Variants in PKD2L1 observed in about 807,000 individuals in gnomAD.
PKD2L1 encodes polycystin 2 like 1, transient receptor potential cation channel.
In PKD2L1, 77 loss-of-function variants were observed where a neutral mutation model predicts 93.0. The observed-to-expected ratio is 0.83, with a 90% confidence interval of 0.69 to 1.00. The LOEUF (loss-of-function observed/expected upper bound fraction) is 1.00. PKD2L1 is among the 50% of genes least tolerant of loss of function. The pLI, the probability that PKD2L1 is intolerant of heterozygous loss-of-function variation, is 0.00. For synonymous variants in PKD2L1, 390 were observed against 388.0 expected, an observed-to-expected ratio of 1.01 and a Z score of -0.06; for missense variants, 977 against 990.9, an observed-to-expected ratio of 0.99 and a Z score of 0.19.
At chr10:100,290,270 A>G (rs988258863) in intron 13 of PKD2L1, 131 bp downstream of exon 13, 8 of 1,333,026 alleles carry the variant, frequency 6.0e-6, no homozygotes, top group African/African-American at 5.8e-5. Flanking sequence ...CCTTGTAGGC[A>G]GAATTAAAGG....
intron 2 of PKD2L1, among the ~76,000 whole-genome samples, chr10:100,320,937 T>A (rs963616191): frequency 1.6e-4 from 24 of 152,216 alleles, no homozygotes; most frequent in Admixed American, 5.2e-4. Context: ...GGAAATAATT[T>A]AAAGAAGTGG....
chr10:100,297,365 AG>A lies in PKD2L1; in HGVS notation c.956+16del. ...GGAGCCATGGACAGGGTGATAAAGT[AG>A]GGAAAGGGGGCTCACCTCAGGACAC... On this transcript the variant is annotated intron_variant, in intron 5 of 15. Coordinates refer to ENST00000318222, the MANE Select transcript of PKD2L1 (RefSeq NM_016112.3). 1.2e-6 allele frequency: 2 copies of A among 1,601,022 alleles called. No homozygotes were observed. Among genetic ancestry groups the A allele is most frequent in the Non-Finnish European group, 1.7e-6 (2 of 1,168,164 alleles).
chr10:100,288,958 GC>G lies in PKD2L1; in HGVS notation c.2335+13del. On this transcript the variant is annotated intron_variant, in intron 15 of 15. Transcript: ENST00000318222. ...GGAAGCCTGCTGTCTGATGCTTTAG[GC>G]CCCCTTCCTCACCACTCTCCTGCCC... is the stretch of plus-strand genomic sequence containing the variant. 6.4e-7 allele frequency: 1 copy of G among 1,563,126 alleles called. No individual in the cohort carries two copies. The highest frequency in any genetic ancestry group is 1.1e-5 in the South Asian group (1 of 88,244).
Position 100,297,574 on chromosome 10 carries a change from C to G in PKD2L1, c.764G>C (p.Gly255Ala), listed in dbSNP as rs759786138. The G allele has an allele frequency of 6.2e-7, 1 of 1,613,720 alleles. No individual in the cohort carries two copies. Among genetic ancestry groups the G allele is most frequent in the East Asian group, 2.2e-5 (1 of 44,870 alleles). ...WTYHSQDELGGFSHWGRLTSY... is the reference protein window; with the variant it reads ...WTYHSQDELGAFSHWGRLTSY... The stretch of plus-strand genomic sequence containing the variant: ...TGTGAGCCTGCCCCAGTGGGAGAAG[C>G]CCCCCAACTCATCCTGCGAGTGGTA... Residue 255 changes from glycine (G) to alanine (A), a missense_variant, in exon 5 of 16, where the codon GGC becomes GCC. Coordinates refer to ENST00000318222, the MANE Select transcript of PKD2L1 (RefSeq NM_016112.3).
At chr10:100,314,545 C>T (rs1849019549) in intron 2 of PKD2L1, among the ~76,000 whole-genome samples, 2 of 152,132 alleles carry the variant, frequency 1.3e-5, no homozygotes, top group African/African-American at 4.8e-5. Flanking sequence ...CAAAGTGCAT[C>T]CAGAGATCCT....
At chr10:100,323,044 T>G (rs1849297077) in intron 2 of PKD2L1, among the ~76,000 whole-genome samples, 1 of 152,170 alleles carries the variant, frequency 6.6e-6, no homozygotes, top group Admixed American at 6.5e-5. Flanking sequence ...GAAAAATTAT[T>G]CAATAAAGGT....
At chr10:100,329,167 A>T in intron 2 of PKD2L1, 44 bp downstream of exon 2, 1 of 1,592,874 alleles carries the variant, frequency 6.3e-7, no homozygotes, top group Non-Finnish European at 8.6e-7. Flanking sequence ...GCACACATAG[A>T]TGTTTCTCAC....
rs565863715 is a variant in PKD2L1 at position 100,316,268 on chromosome 10, G to T, written c.349+12943C>A. Among the ~76,000 whole-genome samples, 3 of 152,320 alleles carry T rather than the reference G, an allele frequency of 2.0e-5. No homozygotes were observed. In the East Asian group the frequency reaches 5.8e-4, roughly 29 times the overall value. On this transcript the variant is annotated intron_variant, in intron 2 of 15. Transcript: ENST00000318222. ...GCTCATTGCAAACTCTGCCTCCCAGGTTCAAGCAATTCTCCTGCCTCAGCC... is the reference window on the plus strand; with the variant it reads ...GCTCATTGCAAACTCTGCCTCCCAGTTTCAAGCAATTCTCCTGCCTCAGCC...
chr10:100,291,760 A>G (rs980642719), intron 11 of PKD2L1, among the ~76,000 whole-genome samples: 1 of 152,122 alleles, frequency 6.6e-6, no homozygotes, highest in Admixed American at 6.5e-5. Flanking sequence ...AGAGTAATTA[A>G]CCTTTCTAAT....
chr10:100,327,659 T>C (rs1849408021), intron 2 of PKD2L1, among the ~76,000 whole-genome samples: 1 of 152,250 alleles, frequency 6.6e-6, no homozygotes, highest in African/African-American at 2.4e-5. Flanking sequence ...TGACTTCTCC[T>C]TGCTAGCAGA....
intron 12 of PKD2L1, among the ~76,000 whole-genome samples, chr10:100,291,026 T>C (rs1470292362): frequency 6.6e-6 from 1 of 152,204 alleles, no homozygotes; most frequent in Non-Finnish European, 1.5e-5. Flanking sequence ...GGCTATGTAT[T>C]GGAATCACCT....
chr10:100,324,449 C>A (rs1350856310), intron 2 of PKD2L1, among the ~76,000 whole-genome samples: 1 of 152,210 alleles, frequency 6.6e-6, no homozygotes, highest in African/African-American at 2.4e-5. Context: ...CTTTCCCCAA[C>A]CCCTGGAAGC....
chr10:100,312,666 C>T (rs1351091898), intron 2 of PKD2L1, among the ~76,000 whole-genome samples: 1 of 152,132 alleles, frequency 6.6e-6, no homozygotes, highest in Non-Finnish European at 1.5e-5. Context: ...CTTCCCTGTT[C>T]TATTCCATTC....
At chr10:100,329,460 T>C in intron 1 of PKD2L1, 136 bp from the exon 2 acceptor site, 1 of 1,221,550 alleles carries the variant, frequency 8.2e-7, no homozygotes, top group Non-Finnish European at 1.1e-6. Flanking sequence ...CTTGGCTGAA[T>C]CTGGCTACTG....
Position 100,294,328 on chromosome 10 carries a change from C to A in PKD2L1, c.1659+207G>T, listed in dbSNP as rs148146442. ...GGTTTGATTTTACTGAGGGAGTCTG[C>A]AGGTTCCCTTATACTCTGCAAACCT... is the stretch of plus-strand genomic sequence containing the variant. On this transcript the variant is annotated intron_variant, in intron 9 of 15. Transcript: ENST00000318222. 1.5e-3 allele frequency among the ~76,000 whole-genome samples: 230 copies of A among 152,228 alleles called. 1 individual carries two copies. The Middle Eastern group carries it at 0.027, about 18-fold the overall frequency.
intron 2 of PKD2L1, among the ~76,000 whole-genome samples, chr10:100,321,761 AG>A (rs1849250565): frequency 0.013 from 7 of 536 alleles, 2 homozygotes; most frequent in East Asian, 0.075. Flanking sequence ...GAAAGAAGGG[AG>A]GGAGGGAGGG....
In PKD2L1 at chr10:100,294,393, T is replaced by C. The variant is rs1848471590; in HGVS notation, c.1659+142A>G. On this transcript the variant is annotated intron_variant, in intron 9 of 15. Coordinates refer to ENST00000318222, the MANE Select transcript of PKD2L1 (RefSeq NM_016112.3). ...CTGGCTGTACTACATTAACCATCTCTCAGAAGATCCAGACATCGGCCCCCC... is the reference window on the plus strand; with the variant it reads ...CTGGCTGTACTACATTAACCATCTCCCAGAAGATCCAGACATCGGCCCCCC... 7.0e-6 allele frequency: 6 copies of C among 863,284 alleles called. No homozygotes were observed. The Admixed American group carries it at 1.4e-4, about 19-fold the overall frequency. The allele number at this position is 863,284 out of a possible 1,614,324, so 53.5% of individuals were successfully genotyped here. A position where few individuals can be genotyped will look rare whatever the true frequency, so the allele number is the denominator to read the frequency against.
chr10:100,301,372 G>A (rs750342228), intron 2 of PKD2L1, among the ~76,000 whole-genome samples: 5 of 152,124 alleles, frequency 3.3e-5, no homozygotes, highest in Admixed American at 6.5e-5. Flanking sequence ...GAAGCCTGGG[G>A]GCACTGCAGG....
chr10:100,313,467 G>T (rs751493357), intron 2 of PKD2L1, among the ~76,000 whole-genome samples: 3 of 152,094 alleles, frequency 2.0e-5, no homozygotes, highest in Non-Finnish European at 4.4e-5. Flanking sequence ...ATAAGGGAGC[G>T]GTAACTAAGT....
Sources: allele counts gnomAD v4.1 joint callset (sites outside exome capture counted in the v4.1 genomes callset), GRCh38; gene constraint gnomAD v4.1.1; transcripts MANE v1.5; gene names NCBI Gene and HGNC (gene_info 2026-07-23, HGNC 2026-07-21).